Variants in TSHZ3 observed in about 807,000 individuals in gnomAD.
TSHZ3 encodes teashirt zinc finger homeobox 3.
In TSHZ3, 10 loss-of-function variants were observed where a neutral mutation model predicts 64.5. That is an observed-to-expected ratio of 0.16 (90% CI 0.10 to 0.26). The LOEUF is 0.26. Among genes scored for constraint, TSHZ3 ranks in the 10% least tolerant of loss-of-function variants. The probability of loss-of-function intolerance (pLI) is 1.00; values close to 1 mark genes in which losing one functional copy is unlikely to be tolerated. For missense variants in TSHZ3, 1,242 were observed against 1,421.7 expected (o/e 0.87, Z 2.03); for synonymous variants, 608 against 593.1 (o/e 1.03, Z -0.36).
chr19:31,257,767 T>C (rs1167453236), intron 1 of TSHZ3, among the ~76,000 whole-genome samples: 3 of 152,190 alleles, frequency 2.0e-5, no homozygotes, highest in Non-Finnish European at 4.4e-5. Flanking sequence ...TGCTTCTGTA[T>C]GGACTAGTCA....
intron 3 of TSHZ3, among the ~76,000 whole-genome samples, chr19:31,238,119 T>G (rs1975643793): frequency 6.6e-6 from 1 of 152,208 alleles, no homozygotes; most frequent in Non-Finnish European, 1.5e-5. Flanking sequence ...TTGTGGATAT[T>G]GTTATATTAA....
At chr19:31,221,406 C>T (rs987896588) in intron 4 of TSHZ3, among the ~76,000 whole-genome samples, 3 of 152,136 alleles carry the variant, frequency 2.0e-5, no homozygotes, top group Admixed American at 1.3e-4. Flanking sequence ...CAACAGAAAA[C>T]ACATGTCATA....
intron 4 of TSHZ3, among the ~76,000 whole-genome samples, chr19:31,216,258 C>T (rs1314273627): frequency 1.3e-5 from 2 of 152,088 alleles, no homozygotes; most frequent in East Asian, 1.9e-4. Flanking sequence ...TGGGGGGGCT[C>T]CCAGCCCCCA....
At chr19:31,307,495 C>T (rs1599638852) in intron 1 of TSHZ3, among the ~76,000 whole-genome samples, 1 of 151,886 alleles carries the variant, frequency 6.6e-6, no homozygotes, top group African/African-American at 2.4e-5. Context: ...CTGAGCAGCA[C>T]GCGGCACGGG....
intron 1 of TSHZ3, among the ~76,000 whole-genome samples, chr19:31,296,460 G>T (rs150512539): frequency 2.7e-5 from 4 of 149,656 alleles, no homozygotes; most frequent in African/African-American, 9.9e-5. Flanking sequence ...TCAGCCTCCC[G>T]AGTAGCTGGG....
chr19:31,159,766 C>T (rs1440099229), intron 5 of TSHZ3, among the ~76,000 whole-genome samples: 3 of 151,964 alleles, frequency 2.0e-5, no homozygotes, highest in African/African-American at 4.8e-5. Context: ...AATCATGGCT[C>T]ACTGCAGCTT....
chr19:31,311,872 C>T (rs952667783), intron 1 of TSHZ3, among the ~76,000 whole-genome samples: 2 of 152,158 alleles, frequency 1.3e-5, no homozygotes, highest in Admixed American at 6.5e-5. Flanking sequence ...TGCAGGTGTG[C>T]GCCACCACGC....
At chr19:31,283,244 G>A (rs940341837) in intron 1 of TSHZ3, among the ~76,000 whole-genome samples, 3 of 152,118 alleles carry the variant, frequency 2.0e-5, no homozygotes, top group Non-Finnish European at 4.4e-5. Context: ...TGAGGCAGGC[G>A]AATCACTTGA....
chr19:31,163,107 C>T (rs1974391200), intron 5 of TSHZ3, among the ~76,000 whole-genome samples: 1 of 152,078 alleles, frequency 6.6e-6, no homozygotes, highest in Admixed American at 6.6e-5. Flanking sequence ...CTTAAGGATG[C>T]CAAGAGGAGG....
intron 1 of TSHZ3, among the ~76,000 whole-genome samples, chr19:31,256,093 T>A (rs1451274093): frequency 1.3e-5 from 2 of 152,104 alleles, no homozygotes; most frequent in East Asian, 3.9e-4. Context: ...TTGGTCCCCA[T>A]GTTCACCCTC....
Position 31,277,275 on chromosome 19 carries a change from G to T in TSHZ3, c.2518C>A (p.Arg840Ser). The T allele has an allele frequency of 1.2e-6, 2 of 1,614,014 alleles. No individual in the cohort carries two copies. Among genetic ancestry groups the T allele is most frequent in the East Asian group, 2.2e-5 (1 of 44,870 alleles). Reference sequence around the variant, plus strand: ...GATATATCTGACAAGGCATTCTCGCGTAGCGGCGAGTTTGACATGAATGAT... The same window carrying T: ...GATATATCTGACAAGGCATTCTCGCTTAGCGGCGAGTTTGACATGAATGAT... ...VVSFMSNSPLRENALSDISDM... is the reference protein window; with the variant it reads ...VVSFMSNSPLSENALSDISDM... Residue 840 changes from arginine (R) to serine (S), a missense_variant, in exon 2 of 2, where the codon CGC (arginine) becomes AGC (serine). Coordinates refer to ENST00000240587, the MANE Select transcript of TSHZ3 (RefSeq NM_020856.4). The surrounding 1 kb of genome is among the most constrained non-coding windows in gnomAD (Gnocchi z 4.5).
chr19:31,343,617 T>C (rs1917498241), intron 1 of TSHZ3, among the ~76,000 whole-genome samples: 1 of 152,150 alleles, frequency 6.6e-6, no homozygotes, highest in Non-Finnish European at 1.5e-5. Flanking sequence ...TATGTTCTAT[T>C]ACTGTCTTTT....
intron 5 of TSHZ3, among the ~76,000 whole-genome samples, chr19:31,183,335 T>C (rs1476250157): frequency 6.6e-6 from 1 of 152,106 alleles, no homozygotes; most frequent in Admixed American, 6.5e-5. Flanking sequence ...CTGCAAAGCC[T>C]GAAGGCAGGG....
intron 5 of TSHZ3, among the ~76,000 whole-genome samples, chr19:31,197,419 C>A (rs950291466): frequency 2.1e-5 from 3 of 143,854 alleles, no homozygotes; most frequent in Non-Finnish European, 4.6e-5. Flanking sequence ...AAAAGAAGAA[C>A]AAATTAAGTC....
At chr19:31,325,192 G>C (rs1419834512) in intron 1 of TSHZ3, among the ~76,000 whole-genome samples, 4 of 152,218 alleles carry the variant, frequency 2.6e-5, no homozygotes, top group Non-Finnish European at 5.9e-5. Flanking sequence ...TGCCTATGGA[G>C]AGGGCTTCCG....
chr19:31,165,795 C>T (rs1007964817), intron 5 of TSHZ3, among the ~76,000 whole-genome samples: 4 of 152,204 alleles, frequency 2.6e-5, no homozygotes, highest in African/African-American at 7.2e-5. Flanking sequence ...GACATAATTA[C>T]ATAAATCTCA....
intron 5 of TSHZ3, among the ~76,000 whole-genome samples, chr19:31,179,098 C>T (rs1006126768): frequency 3.3e-5 from 5 of 152,010 alleles, no homozygotes; most frequent in Non-Finnish European, 7.4e-5. Flanking sequence ...CCAGGACACA[C>T]CCAAGGTTGA....
At chr19:31,224,487 G>A (rs1039057420) in intron 4 of TSHZ3, among the ~76,000 whole-genome samples, 1 of 152,206 alleles carries the variant, frequency 6.6e-6, no homozygotes, top group Non-Finnish European at 1.5e-5. Flanking sequence ...GACGTTTGCT[G>A]TGAAGACAAC....
At chr19:31,166,531 C>G (rs1974454416) in intron 5 of TSHZ3, among the ~76,000 whole-genome samples, 1 of 152,158 alleles carries the variant, frequency 6.6e-6, no homozygotes, top group African/African-American at 2.4e-5. Flanking sequence ...TGGAGAGATG[C>G]CTTCTGGGAC....
Sources: gnomAD v4.1 joint callset for allele counts (sites outside exome capture counted in the v4.1 genomes callset) on GRCh38, gnomAD v4.1.1 for gene constraint, Gnocchi (gnomAD v3.1) non-coding constraint, MANE v1.5 for transcripts, NCBI Gene and HGNC (gene_info 2026-07-23, HGNC 2026-07-21) for gene names.